LRRC9: variants seen among roughly 807,000 people sequenced by gnomAD.
LRRC9 encodes leucine-rich repeat-containing protein 9.
Under a neutral mutation model 63.2 loss-of-function variants are expected in LRRC9, and 122 were observed. The observed-to-expected ratio is 1.93, with a 90% CI of 1.67 to 2.24. The LOEUF (loss-of-function observed/expected upper bound fraction) is 2.24. Ranked by LOEUF, LRRC9 falls within the 30% of genes most tolerant of loss-of-function variation. The pLI, the probability that LRRC9 is intolerant of heterozygous loss-of-function variation, is 0.00. For synonymous variants in LRRC9, 366 were observed against 213.1 expected (o/e 1.72, Z -6.25); for missense variants, 1,071 against 627.7 (o/e 1.71, Z -7.55).
intron 30 of LRRC9, among the ~76,000 whole-genome samples, chr14:60,055,846 C>A (rs1018948346): frequency 1.4e-4 from 21 of 150,954 alleles, no homozygotes; most frequent in African/African-American, 5.1e-4. Context: ...TGGTGGCTGC[C>A]GTGAGCCAAG....
rs1889796093 is a variant in LRRC9, at chr14:59,932,639, C to G, written c.543+600C>G. 6.6e-6 allele frequency among the ~76,000 whole-genome samples: 1 copy of G among 152,078 alleles called. No individual in the cohort carries two copies. The highest frequency in any genetic ancestry group is 2.1e-4 in the South Asian group (1 of 4,828). On this transcript the variant is annotated intron_variant, in intron 6 of 31. Transcript: ENST00000445360. The surrounding 1 kb of genome is among the most constrained non-coding windows in gnomAD (Gnocchi z 4.7). Reference sequence around the variant, plus strand: ...TCTTCTTATTCCTTCATACCCTCATCCAATCCATCAGCAAGTACAACTGGG... The same window carrying G: ...TCTTCTTATTCCTTCATACCCTCATGCAATCCATCAGCAAGTACAACTGGG...
At chr14:60,028,215 T>C in intron 28 of LRRC9, 114 bp downstream of exon 28, 2 of 591,028 alleles carry the variant, frequency 3.4e-6, no homozygotes, top group South Asian at 2.2e-5. Flanking sequence ...ATTTATCACC[T>C]ATATACCATC....
chr14:59,967,543 T>C (rs1308462414), intron 12 of LRRC9, among the ~76,000 whole-genome samples: 1 of 152,196 alleles, frequency 6.6e-6, no homozygotes, highest in African/African-American at 2.4e-5. Context: ...AGTCTTCACC[T>C]TGAAGCAATT....
chr14:60,040,506 AT>A (rs1280363613), intron 29 of LRRC9, among the ~76,000 whole-genome samples: 1 of 151,872 alleles, frequency 6.6e-6, no homozygotes, highest in Non-Finnish European at 1.5e-5. Flanking sequence ...TCCCTTTACC[AT>A]TATATAATGG....
intron 8 of LRRC9, among the ~76,000 whole-genome samples, chr14:59,945,542 T>A (rs1190515811): frequency 6.6e-6 from 1 of 151,952 alleles, no homozygotes; most frequent in Non-Finnish European, 1.5e-5. Flanking sequence ...TTATCTGATC[T>A]CAGCCTGCTA....
chr14:60,063,016 C>T (rs1306455771), intron 31 of LRRC9, among the ~76,000 whole-genome samples: 1 of 151,916 alleles, frequency 6.6e-6, no homozygotes, highest in Non-Finnish European at 1.5e-5. Flanking sequence ...CTCAGCCTCT[C>T]GAGTAGCTGG....
rs1889690313 is a variant in LRRC9, at chr14:60,004,882, AC to A, written c.2842+1085del. Among the ~76,000 whole-genome samples, 1 of 4,800 alleles carries A rather than the reference AC, an allele frequency of 2.1e-4. No individual in the cohort carries two copies. Among genetic ancestry groups the A allele is most frequent in the Non-Finnish European group, 1.1e-3 (1 of 878 alleles). The allele number at this position is 4,800 out of a possible 152,430, so 3.1% of individuals were successfully genotyped here. A position where few individuals can be genotyped will look rare whatever the true frequency, so the allele number is the denominator to read the frequency against. On this transcript the variant is annotated intron_variant, in intron 21 of 31. Transcript: ENST00000445360. The surrounding 1 kb of genome is among the most constrained non-coding windows in gnomAD (Gnocchi z 4.8). ...AAGAGAAATATGTATATGTGTGTATACACACACACACACACACACACACTTA... is the reference window on the plus strand; with the variant it reads ...AAGAGAAATATGTATATGTGTGTATAACACACACACACACACACACACTTA...
chr14:59,926,831 T>C (rs867957412), intron 1 of LRRC9, among the ~76,000 whole-genome samples: 1 of 152,158 alleles, frequency 6.6e-6, no homozygotes, highest in African/African-American at 2.4e-5. Flanking sequence ...CCAAAGAAAT[T>C]TGTAGCTATG....
At chr14:59,928,030 G>A (rs1248006044) in intron 2 of LRRC9, 39 bp downstream of exon 2, 2 of 668,298 alleles carry the variant, frequency 3.0e-6, no homozygotes, top group South Asian at 1.7e-5. Flanking sequence ...AACATTTGCA[G>A]TAATATAAAA....
intron 29 of LRRC9, among the ~76,000 whole-genome samples, chr14:60,036,542 G>C (rs1892449043): frequency 6.6e-6 from 1 of 152,140 alleles, no homozygotes. Flanking sequence ...TGTCCTTCAA[G>C]TTGGGTTCAT....
At chr14:60,020,116 C>T (rs997177045) in intron 26 of LRRC9, among the ~76,000 whole-genome samples, 2 of 151,752 alleles carry the variant, frequency 1.3e-5, no homozygotes, top group Non-Finnish European at 1.5e-5. Context: ...ATCTCTCCCC[C>T]GACACCCTGG....
chr14:60,029,763 ATAT>A (rs1377506153), intron 28 of LRRC9, among the ~76,000 whole-genome samples: 1 of 152,138 alleles, frequency 6.6e-6, no homozygotes, highest in African/African-American at 2.4e-5. Flanking sequence ...GACAAATTAT[ATAT>A]CATGAGAGAT....
intron 15 of LRRC9, among the ~76,000 whole-genome samples, chr14:59,979,504 C>T (rs952457935): frequency 2.6e-5 from 4 of 151,648 alleles, no homozygotes; most frequent in Admixed American, 6.6e-5. Context: ...CCCAGCTACT[C>T]GGGAGGCTGA....
intron 10 of LRRC9, among the ~76,000 whole-genome samples, chr14:59,965,934 A>T (rs1466935153): frequency 7.2e-6 from 1 of 139,316 alleles, no homozygotes; most frequent in African/African-American, 2.6e-5. Context: ...ACTGGTGAGG[A>T]AGAAAGGAGA....
intron 12 of LRRC9, among the ~76,000 whole-genome samples, chr14:59,970,176 C>T (rs1885330087): frequency 1.4e-5 from 2 of 141,404 alleles, no homozygotes; most frequent in Admixed American, 1.5e-4. Flanking sequence ...CATGTGTTCT[C>T]ATCATTTAGC....
intron 17 of LRRC9, among the ~76,000 whole-genome samples, chr14:59,987,224 T>A (rs1182125598): frequency 6.6e-6 from 1 of 151,802 alleles, no homozygotes; most frequent in African/African-American, 2.4e-5. Flanking sequence ...CTTCCTGGAT[T>A]TTTTCCTGAT....
chr14:60,033,492 G>C (rs575835647), intron 29 of LRRC9, among the ~76,000 whole-genome samples: 1 of 152,128 alleles, frequency 6.6e-6, no homozygotes, highest in African/African-American at 2.4e-5. Flanking sequence ...TTTCCTACCG[G>C]TTTTGTCTTG....
At chr14:59,970,747 T>C (rs1159323958) in intron 12 of LRRC9, among the ~76,000 whole-genome samples, 3 of 152,200 alleles carry the variant, frequency 2.0e-5, no homozygotes, top group Non-Finnish European at 2.9e-5. Context: ...AAAGTGTCTG[T>C]TCATATCCTT....
rs569869769 is a variant in LRRC9 at position 59,993,997 on chromosome 14, C to G, written c.2212-3659C>G. On this transcript the variant is annotated intron_variant, in intron 17 of 31. Transcript: ENST00000445360. ...ATCTACAGAACTCTCCACCCCAAAT[C>G]AACAGAATATACATTCTTCTCAGCA... 2.0e-4 allele frequency among the ~76,000 whole-genome samples: 31 copies of G among 152,306 alleles called. 1 individual carries two copies. The South Asian group carries it at 6.4e-3, about 32-fold the overall frequency.
Sources: gnomAD v4.1 joint callset for allele counts (sites outside exome capture counted in the v4.1 genomes callset) on GRCh38, gnomAD v4.1.1 for gene constraint, Gnocchi (gnomAD v3.1) non-coding constraint, MANE v1.5 for transcripts, NCBI Gene and HGNC (gene_info 2026-07-23, HGNC 2026-07-21) for gene names.